Variants in COPG2 observed in about 807,000 individuals in gnomAD.
COPG2 encodes the protein coatomer subunit gamma-2.
In COPG2, 37 loss-of-function variants were observed where a neutral mutation model predicts 46.3. The observed-to-expected ratio is 0.80, with a 90% confidence interval of 0.61 to 1.05. COPG2 has a LOEUF of 1.05. COPG2 is among the 50% of genes least tolerant of loss of function. The pLI is 0.00. For synonymous variants in COPG2, 159 were observed against 129.7 expected, an observed-to-expected ratio of 1.23 and a Z score of -1.53; for missense variants, 427 against 387.8, an observed-to-expected ratio of 1.10 and a Z score of -0.85.
intron 12 of COPG2, among the ~76,000 whole-genome samples, chr7:130,560,123 C>A (rs913143399): frequency 2.6e-5 from 4 of 151,840 alleles, no homozygotes; most frequent in Non-Finnish European, 5.9e-5. Flanking sequence ...TCAAGGAATA[C>A]GTATAATGAT....
chr7:130,521,884 G>A (rs1361760691), intron 20 of COPG2, among the ~76,000 whole-genome samples: 2 of 152,146 alleles, frequency 1.3e-5, no homozygotes, highest in Non-Finnish European at 2.9e-5. Context: ...AAGCAAGTCA[G>A]AAGACAACTA....
intron 20 of COPG2, among the ~76,000 whole-genome samples, chr7:130,509,518 C>A (rs1799562147): frequency 6.6e-6 from 1 of 152,146 alleles, no homozygotes; most frequent in African/African-American, 2.4e-5. Context: ...GAGGAAAGAA[C>A]AGGCTCAGAT....
chr7:130,590,447 G>A (rs560294863), intron 9 of COPG2, among the ~76,000 whole-genome samples: 2 of 152,182 alleles, frequency 1.3e-5, no homozygotes, highest in Non-Finnish European at 2.9e-5. Flanking sequence ...TGGTGGAGAC[G>A]GGGTTTCGCT....
intron 20 of COPG2, among the ~76,000 whole-genome samples, chr7:130,545,845 T>A (rs1164217841): frequency 6.6e-6 from 1 of 152,172 alleles, no homozygotes; most frequent in Non-Finnish European, 1.5e-5. Context: ...CTCTTTTTCC[T>A]CTCTTGGTGG....
At position 130,530,841 on chromosome 7, in the gene COPG2, C is replaced by CAGGCAGGACAGCCAT. The variant is rs1584964620; in HGVS notation, c.2149+16832_2149+16833insATGGCTGTCCTGCCT. Among the ~76,000 whole-genome samples, 10 of 151,620 alleles carry CAGGCAGGACAGCCAT rather than the reference C, an allele frequency of 6.6e-5. No homozygotes were observed. In the East Asian group the frequency reaches 9.8e-4, roughly 15 times the overall value. On this transcript the variant is annotated intron_variant, in intron 20 of 23. Transcript: ENST00000425248. ...GGAAGGGAGCTGGGCAGGACAGCCA[C>CAGGCAGGACAGCCAT]AGGTGGAGTGAGGTGAAGGGGCAGG...
intron 20 of COPG2, among the ~76,000 whole-genome samples, chr7:130,537,790 A>AT (rs1436526099): frequency 6.6e-6 from 1 of 152,206 alleles, no homozygotes; most frequent in Non-Finnish European, 1.5e-5. Context: ...GAAGTGTTTG[A>AT]TGCAGGTCAT....
chr7:130,508,315 T>C, intron 21 of COPG2: 1 of 385,726 alleles, frequency 2.6e-6, no homozygotes, highest in Non-Finnish European at 4.6e-6. Context: ...TAATTATCCC[T>C]ATTATAAAGA....
At chr7:130,614,119 T>C (rs1794905013) in intron 6 of COPG2, among the ~76,000 whole-genome samples, 1 of 152,328 alleles carries the variant, frequency 6.6e-6, no homozygotes, top group South Asian at 2.1e-4. Flanking sequence ...TGTACTACTA[T>C]AGTGAGCCCT....
chr7:130,521,039 T>G (rs1799719260), intron 20 of COPG2, among the ~76,000 whole-genome samples: 1 of 152,124 alleles, frequency 6.6e-6, no homozygotes, highest in African/African-American at 2.4e-5. Context: ...ATAGGTTGAG[T>G]TTTTTTAAAG....
At chr7:130,638,447 C>T (rs908887095) in intron 5 of COPG2, among the ~76,000 whole-genome samples, 3 of 152,158 alleles carry the variant, frequency 2.0e-5, no homozygotes, top group Admixed American at 1.3e-4. Flanking sequence ...TCTAGAGAGG[C>T]GGTCTGGCTA....
At chr7:130,550,795 G>C (rs1308687769) in intron 16 of COPG2, 146 bp from the exon 17 acceptor site, 2 of 367,600 alleles carry the variant, frequency 5.4e-6, no homozygotes, top group Non-Finnish European at 9.6e-6. Context: ...TAAAAATAAA[G>C]GATATTCTTG....
At chr7:130,567,604 A>G (rs2116410786) in intron 9 of COPG2, among the ~76,000 whole-genome samples, 1 of 152,342 alleles carries the variant, frequency 6.6e-6, no homozygotes, top group African/African-American at 2.4e-5. Flanking sequence ...CCAGATTAAC[A>G]GCAGATTTCT....
intron 9 of COPG2, among the ~76,000 whole-genome samples, chr7:130,601,648 C>T (rs145360017): frequency 2.0e-5 from 3 of 152,130 alleles, no homozygotes; most frequent in African/African-American, 7.2e-5. Context: ...AGGAACATCA[C>T]ACACCGGGGC....
At chr7:130,582,892 G>A (rs1484125687) in intron 9 of COPG2, among the ~76,000 whole-genome samples, 11 of 151,062 alleles carry the variant, frequency 7.3e-5, no homozygotes, top group Non-Finnish European at 1.0e-4. Flanking sequence ...ACTTTTACAC[G>A]TTGGTGGGAC....
At chr7:130,530,830 C>A (rs1799817633) in intron 20 of COPG2, among the ~76,000 whole-genome samples, 1 of 151,620 alleles carries the variant, frequency 6.6e-6, no homozygotes, top group Non-Finnish European at 1.5e-5. Context: ...GGGAGCTGGG[C>A]AGGACAGCCA....
intron 21 of COPG2, 126 bp downstream of exon 21, chr7:130,508,436 C>G: frequency 1.6e-6 from 1 of 615,092 alleles, no homozygotes. Context: ...AATTTGTCAT[C>G]TGTTTCAGAA....
intron 1 of COPG2, among the ~76,000 whole-genome samples, chr7:130,668,405 C>A (rs1261927121): frequency 6.7e-6 from 1 of 148,512 alleles, no homozygotes; most frequent in Non-Finnish European, 1.5e-5. Context: ...CGCGCGCGGG[C>A]GCCGGGGCGG....
At chr7:130,527,615 C>T (rs961288384) in intron 20 of COPG2, among the ~76,000 whole-genome samples, 1 of 152,086 alleles carries the variant, frequency 6.6e-6, no homozygotes, top group Non-Finnish European at 1.5e-5. Context: ...AAGAAGAAAC[C>T]GAGCCCAAAA....
intron 9 of COPG2, among the ~76,000 whole-genome samples, chr7:130,571,253 C>CA (rs1554445502): frequency 1.3e-5 from 2 of 152,126 alleles, no homozygotes; most frequent in Non-Finnish European, 2.9e-5. Flanking sequence ...GCATAGTAAA[C>CA]AGACAACCCA....
Sources: allele counts gnomAD v4.1 joint callset (sites outside exome capture counted in the v4.1 genomes callset), GRCh38; gene constraint gnomAD v4.1.1; transcripts MANE v1.5; gene names NCBI Gene and HGNC (gene_info 2026-07-23, HGNC 2026-07-21).